The following GRM5 variants were observed in gnomAD, a reference collection of about 807,000 sequenced individuals.
GRM5 encodes glutamate metabotropic receptor 5.
A neutral mutation model predicts 83.1 loss-of-function variants in GRM5; 19 were observed. The observed-to-expected ratio is 0.23, with a 90% CI of 0.16 to 0.34. The LOEUF (loss-of-function observed/expected upper bound fraction) is 0.34. Among genes scored for constraint, GRM5 ranks in the 10% least tolerant of loss-of-function variants. The pLI is 1.00. For missense variants in GRM5, 1,160 were observed against 1,588.3 expected (o/e 0.73, Z 4.58); for synonymous variants, 675 against 633.6 (o/e 1.07, Z -0.98).
Position 88,627,115 on chromosome 11 carries a change from T to C in GRM5, c.1148-22151A>G, listed in dbSNP as rs570862708. Among the ~76,000 whole-genome samples, 13 of 152,362 alleles carry C rather than the reference T, an allele frequency of 8.5e-5. No homozygotes were observed. The South Asian group carries it at 1.9e-3, about 22-fold the overall frequency. ...TCTATCTGCTAGGCATTTAATATTA[T>C]CCCAAATTTACAACTGAAGAAAGTG... On this transcript the variant is annotated intron_variant, in intron 4 of 9. Transcript: ENST00000305447.
chr11:88,910,803 T>A (rs747350290), intron 2 of GRM5, among the ~76,000 whole-genome samples: 1 of 151,892 alleles, frequency 6.6e-6, no homozygotes, highest in African/African-American at 2.4e-5. Flanking sequence ...TATATAGCCA[T>A]AGAAATGGGC....
intron 3 of GRM5, among the ~76,000 whole-genome samples, chr11:88,811,949 AG>A (rs1943596362): frequency 6.6e-6 from 1 of 152,120 alleles, no homozygotes; most frequent in Admixed American, 6.6e-5. Context: ...TCTGCAGCGT[AG>A]AGGGTAGAAT....
At chr11:88,569,540 A>G (rs542249241) in intron 7 of GRM5, among the ~76,000 whole-genome samples, 2 of 152,326 alleles carry the variant, frequency 1.3e-5, no homozygotes, top group Admixed American at 6.5e-5. Context: ...GGATTCCTGA[A>G]AGGAAAATGA....
intron 2 of GRM5, among the ~76,000 whole-genome samples, chr11:88,853,635 T>G (rs538079927): frequency 7.0e-4 from 107 of 151,996 alleles, no homozygotes; most frequent in Middle Eastern, 3.4e-3. Context: ...GATGAAAAAC[T>G]AAAACACTTT....
chr11:88,619,759 ACT>A (rs1938583209), intron 4 of GRM5, among the ~76,000 whole-genome samples: 1 of 152,216 alleles, frequency 6.6e-6, no homozygotes, highest in African/African-American at 2.4e-5. Context: ...GTACTAAAAT[ACT>A]TTCAGATTGT....
intron 2 of GRM5, among the ~76,000 whole-genome samples, chr11:88,910,124 A>G (rs1306893212): frequency 1.3e-5 from 2 of 152,048 alleles, no homozygotes; most frequent in Admixed American, 1.3e-4. Flanking sequence ...TTCTACCTCC[A>G]TCAACGTATC....
chr11:88,657,201 C>A (rs1334545706), intron 3 of GRM5, among the ~76,000 whole-genome samples: 2 of 152,120 alleles, frequency 1.3e-5, no homozygotes, highest in Non-Finnish European at 2.9e-5. Context: ...TCACAGCAAC[C>A]TAAGCTTGTA....
At chr11:88,915,480 GC>G (rs769736553) in intron 2 of GRM5, among the ~76,000 whole-genome samples, 1 of 152,040 alleles carries the variant, frequency 6.6e-6, no homozygotes, top group Non-Finnish European at 1.5e-5. Context: ...TTGCTCCCTT[GC>G]CCCATTATGG....
chr11:88,879,424 A>G (rs1944913947), intron 2 of GRM5, among the ~76,000 whole-genome samples: 1 of 151,580 alleles, frequency 6.6e-6, no homozygotes, highest in Non-Finnish European at 1.5e-5. Flanking sequence ...TTTAAGTTAG[A>G]TATTAATATT....
At chr11:88,888,446 T>C (rs1354743681) in intron 2 of GRM5, among the ~76,000 whole-genome samples, 1 of 152,160 alleles carries the variant, frequency 6.6e-6, no homozygotes, top group Non-Finnish European at 1.5e-5. Context: ...GAAACCCTAA[T>C]GGGAAGCCCC....
chr11:88,909,559 C>G (rs1945459846), intron 2 of GRM5, among the ~76,000 whole-genome samples: 1 of 150,792 alleles, frequency 6.6e-6, no homozygotes, highest in Non-Finnish European at 1.5e-5. Context: ...CACACACACA[C>G]ACACACACAC....
At chr11:88,935,070 A>G (rs1937848133) in intron 2 of GRM5, among the ~76,000 whole-genome samples, 1 of 151,980 alleles carries the variant, frequency 6.6e-6, no homozygotes, top group Non-Finnish European at 1.5e-5. Context: ...TAAATCTGCT[A>G]TCAAACTGTT....
At chr11:88,810,283 G>A (rs1943566414) in intron 3 of GRM5, among the ~76,000 whole-genome samples, 1 of 151,928 alleles carries the variant, frequency 6.6e-6, no homozygotes, top group Non-Finnish European at 1.5e-5. Flanking sequence ...GTAAAGCTTT[G>A]GTTAAAAAAA....
At chr11:89,046,194 T>C (rs1330132597) in intron 2 of GRM5, among the ~76,000 whole-genome samples, 2 of 152,304 alleles carry the variant, frequency 1.3e-5, no homozygotes, top group East Asian at 3.9e-4. Flanking sequence ...TGCATAAATA[T>C]ATTCCTAACC....
At chr11:88,877,078 G>T (rs1392239139) in intron 2 of GRM5, among the ~76,000 whole-genome samples, 5 of 152,174 alleles carry the variant, frequency 3.3e-5, no homozygotes, top group Admixed American at 2.6e-4. Flanking sequence ...TAGCAGGGAA[G>T]AGGGGAGGGG....
intron 2 of GRM5, among the ~76,000 whole-genome samples, chr11:89,018,220 G>A (rs919698629): frequency 5.9e-5 from 9 of 152,100 alleles, no homozygotes; most frequent in African/African-American, 1.9e-4. Context: ...CACATGTAGT[G>A]TCTATAGGCC....
chr11:88,524,191 T>C (rs1941792477), intron 9 of GRM5: 1 of 85,396 alleles, frequency 1.2e-5, no homozygotes, highest in African/African-American at 6.8e-5. Context: ...CTTTTTTCTT[T>C]TTCTTTCTTT....
Position 88,833,044 on chromosome 11 carries a change from T to G in GRM5, c.911+16862A>C, listed in dbSNP as rs147953513. The stretch of plus-strand genomic sequence containing the variant: ...AACATAGAGGAAACACTTGAGGACA[T>G]TGGGCTAGGCAAAGATTTTATAGCT... On this transcript the variant is annotated intron_variant, in intron 3 of 9. Transcript: ENST00000305447. Among the ~76,000 whole-genome samples the G allele has an allele frequency of 2.3e-3, 344 of 152,144 alleles. 2 individuals are homozygous for G. Among genetic ancestry groups the G allele is most frequent in the African/African-American group, 8.0e-3 (331 of 41,528 alleles).
intron 3 of GRM5, among the ~76,000 whole-genome samples, chr11:88,682,663 T>C (rs1372200883): frequency 6.6e-6 from 1 of 152,200 alleles, no homozygotes; most frequent in African/African-American, 2.4e-5. Flanking sequence ...ATAATGAATT[T>C]ATTTTTCATA....
Sources: gnomAD v4.1 joint callset for allele counts (sites outside exome capture counted in the v4.1 genomes callset) on GRCh38, gnomAD v4.1.1 for gene constraint, MANE v1.5 for transcripts, NCBI Gene and HGNC (gene_info 2026-07-23, HGNC 2026-07-21) for gene names.